The following MAN1C1 variants were observed in gnomAD, a reference collection of about 807,000 sequenced individuals.
MAN1C1 encodes mannosyl-oligosaccharide 1,2-alpha-mannosidase IC.
A neutral mutation model predicts 71.5 loss-of-function variants in MAN1C1; 49 were observed. The observed-to-expected ratio is 0.69, with a 90% CI of 0.54 to 0.87. The LOEUF is 0.87. MAN1C1 is among the 40% of genes least tolerant of loss of function. The pLI, the probability that MAN1C1 is intolerant of heterozygous loss-of-function variation, is 0.00. For missense variants in MAN1C1, 743 were observed against 835.0 expected (o/e 0.89, Z 1.36); for synonymous variants, 352 against 343.7 (o/e 1.02, Z -0.27).
At chr1:25,661,910 A>G (rs958116875) in intron 1 of MAN1C1, among the ~76,000 whole-genome samples, 3 of 152,196 alleles carry the variant, frequency 2.0e-5, no homozygotes, top group Non-Finnish European at 4.4e-5. Flanking sequence ...AGCTCTATAA[A>G]CTGTAAAGCC....
intron 7 of MAN1C1, among the ~76,000 whole-genome samples, chr1:25,768,897 TACAC>T (rs963234485): frequency 5.5e-5 from 3 of 54,182 alleles, no homozygotes; most frequent in Non-Finnish European, 1.1e-4. Context: ...ACACACATAT[TACAC>T]ACACTTTCCT....
chr1:25,640,357 T>C (rs896357923), intron 1 of MAN1C1, among the ~76,000 whole-genome samples: 6 of 152,240 alleles, frequency 3.9e-5, no homozygotes, highest in Admixed American at 3.9e-4. Flanking sequence ...ACCTATACTT[T>C]GCCAAGTAAA....
At chr1:25,700,655 C>T (rs1296363222) in intron 2 of MAN1C1, among the ~76,000 whole-genome samples, 1 of 152,214 alleles carries the variant, frequency 6.6e-6, no homozygotes, top group Non-Finnish European at 1.5e-5. Flanking sequence ...TCATACTCCT[C>T]GAACTCTTTA....
intron 1 of MAN1C1, among the ~76,000 whole-genome samples, chr1:25,636,724 T>A (rs1002735148): frequency 1.1e-4 from 17 of 152,354 alleles, no homozygotes; most frequent in African/African-American, 3.6e-4. Flanking sequence ...GATAACGGGA[T>A]TAAGAGATTA....
chr1:25,618,154 G>A lies in MAN1C1; in HGVS notation c.357G>A (p.Glu119=). ...GCACCCGCCCCACTGGACCCCGCGA[G>A]GAGGCCACGGCGGCCCGGGGCAATA... ...LRRTRPTGPR[E]EATAARGNSI... The change falls in exon 1 of 12, where the codon GAG becomes GAA. Residue 119 remains glutamate (E), a synonymous_variant. Transcript: ENST00000374332. 1 of 1,541,672 alleles carries A rather than the reference G, an allele frequency of 6.5e-7. No individual in the cohort carries two copies. Among genetic ancestry groups the A allele is most frequent in the African/African-American group, 1.4e-5 (1 of 71,780 alleles).
At chr1:25,676,243 G>T (rs1233364973) in intron 1 of MAN1C1, among the ~76,000 whole-genome samples, 5 of 152,180 alleles carry the variant, frequency 3.3e-5, no homozygotes, top group Non-Finnish European at 7.3e-5. Context: ...GGTGGGAGTT[G>T]TATCATATGC....
At chr1:25,721,424 G>A (rs1376421409) in intron 2 of MAN1C1, among the ~76,000 whole-genome samples, 1 of 152,140 alleles carries the variant, frequency 6.6e-6, no homozygotes, top group Non-Finnish European at 1.5e-5. Context: ...AATATGAAAT[G>A]TCTTTCCATT....
intron 1 of MAN1C1, among the ~76,000 whole-genome samples, chr1:25,686,238 T>C (rs1231432890): frequency 6.6e-6 from 1 of 152,250 alleles, no homozygotes; most frequent in African/African-American, 2.4e-5. Flanking sequence ...CACATGGCGT[T>C]GTCTAAGAAG....
chr1:25,695,979 C>T lies in MAN1C1; in HGVS notation c.637+9443C>T, dbSNP rs2046364753. Among the ~76,000 whole-genome samples, 3 of 152,140 alleles carry T rather than the reference C, an allele frequency of 2.0e-5. No homozygotes were observed. The South Asian group carries it at 6.2e-4, about 32-fold the overall frequency. On this transcript the variant is annotated intron_variant, in intron 2 of 11. Coordinates refer to ENST00000374332, the MANE Select transcript of MAN1C1 (RefSeq NM_020379.4). The stretch of plus-strand genomic sequence containing the variant: ...ATTTCGAAGGGGGTATTGGGCTGGT[C>T]TTCTTGGAATCTGAGATTTCAGCAA...
At chr1:25,694,898 G>C (rs1042286841) in intron 2 of MAN1C1, among the ~76,000 whole-genome samples, 3 of 152,156 alleles carry the variant, frequency 2.0e-5, no homozygotes, top group African/African-American at 2.4e-5. Flanking sequence ...AGTGAAATTG[G>C]GCAAGTCACA....
intron 2 of MAN1C1, among the ~76,000 whole-genome samples, chr1:25,745,057 C>T (rs2047110373): frequency 1.3e-5 from 2 of 152,250 alleles, no homozygotes; most frequent in African/African-American, 4.8e-5. Flanking sequence ...TAGTAGCAGG[C>T]ATGTCCCTTT....
intron 1 of MAN1C1, among the ~76,000 whole-genome samples, chr1:25,653,192 C>G (rs1322744264): frequency 6.6e-6 from 1 of 152,176 alleles, no homozygotes; most frequent in Non-Finnish European, 1.5e-5. Flanking sequence ...CATCCTCCCA[C>G]CTCAGCTTCT....
intron 1 of MAN1C1, among the ~76,000 whole-genome samples, chr1:25,622,660 A>G (rs1297103485): frequency 6.6e-6 from 1 of 152,118 alleles, no homozygotes; most frequent in Admixed American, 6.5e-5. Flanking sequence ...TCGTGAGTAA[A>G]ATCTCTCATG....
intron 2 of MAN1C1, among the ~76,000 whole-genome samples, chr1:25,689,365 G>A (rs1336492057): frequency 6.6e-6 from 1 of 152,090 alleles, no homozygotes; most frequent in African/African-American, 2.4e-5. Context: ...GTGTGACCTT[G>A]GACAAGTCAT....
At position 25,779,086 on chromosome 1, in the gene MAN1C1, G is replaced by C. The variant is rs1018585904; in HGVS notation, c.1477+762G>C. ...CCCCTCAGAAAAATCCCCAGCCCCC[G>C]TGTGGTCCCAGGAGACGCCCACCGC... is the stretch of plus-strand genomic sequence containing the variant. On this transcript the variant is annotated intron_variant, in intron 9 of 11. Transcript: ENST00000374332. This position sits in a 1 kb window ranked among gnomAD's most constrained non-coding sequence, Gnocchi z 4.6. Among the ~76,000 whole-genome samples the C allele has an allele frequency of 3.3e-5, 5 of 152,098 alleles. No individual in the cohort carries two copies. Among genetic ancestry groups the C allele is most frequent in the Non-Finnish European group, 7.4e-5 (5 of 68,002 alleles).
chr1:25,755,816 C>T (rs936091209), intron 5 of MAN1C1, among the ~76,000 whole-genome samples: 13 of 152,190 alleles, frequency 8.5e-5, no homozygotes, highest in African/African-American at 3.1e-4. Context: ...GCCCCTCCTG[C>T]CAGGAGAGAG....
intron 1 of MAN1C1, chr1:25,654,404 G>A (rs894985675): frequency 6.6e-6 from 1 of 152,260 alleles, no homozygotes; most frequent in African/African-American, 2.4e-5. Flanking sequence ...TTGACTTTGA[G>A]CTGCTGAGTG....
In MAN1C1 at chr1:25,784,064, G is replaced by A. The variant is rs905675565; in HGVS notation, c.*275G>A. The A allele has an allele frequency of 6.3e-5, 23 of 367,532 alleles. No homozygotes were observed. The highest frequency in any genetic ancestry group is 8.9e-5 in the Non-Finnish European group (18 of 203,042). The allele number at this position is 367,532 out of a possible 1,614,324, so 22.8% of individuals were successfully genotyped here. ...CTTGCCATTCCAGGGCCAAAGGACC[G>A]GAGGTTTGCATATCCGCCCCTTGTA... On this transcript the variant is annotated 3_prime_UTR_variant, in exon 12 of 12. Transcript: ENST00000374332.
At chr1:25,618,731 A>G (rs986244340) in intron 1 of MAN1C1, among the ~76,000 whole-genome samples, 3 of 152,166 alleles carry the variant, frequency 2.0e-5, no homozygotes, top group Admixed American at 1.3e-4. Flanking sequence ...TTGTGGACAC[A>G]GAGCCACTGG....
Sources: allele counts gnomAD v4.1 joint callset (sites outside exome capture counted in the v4.1 genomes callset), GRCh38; gene constraint gnomAD v4.1.1; non-coding constraint Gnocchi (gnomAD v3.1); transcripts MANE v1.5; gene names NCBI Gene and HGNC (gene_info 2026-07-23, HGNC 2026-07-21).